The following AGAP1 variants were observed in gnomAD, a reference collection of about 807,000 sequenced individuals.
The protein encoded by AGAP1 is arf-GAP with GTPase, ANK repeat and PH domain-containing protein 1.
AGAP1 carries 29 observed loss-of-function variants against 105.3 expected under a neutral mutation model. The observed-to-expected ratio is 0.28, with a 90% confidence interval of 0.21 to 0.38. AGAP1 has a LOEUF of 0.38. AGAP1 is among the 10% of genes least tolerant of loss of function. The pLI is 1.00. For synonymous variants in AGAP1, 509 were observed against 485.9 expected, an observed-to-expected ratio of 1.05 and a Z score of -0.63; for missense variants, 998 against 1,165.1, an observed-to-expected ratio of 0.86 and a Z score of 2.09.
rs1414663019 is a variant in AGAP1, at chr2:235,792,524, A to G, written c.674-5235A>G. 6.6e-6 allele frequency among the ~76,000 whole-genome samples: 1 copy of G among 152,188 alleles called. No homozygotes were observed. The highest frequency in any genetic ancestry group is 1.5e-5 in the Non-Finnish European group (1 of 68,042). ...GGTCGCCCTGTGGTGTGTTAGGGGC[A>G]TTTAGGGGACAGTCAGGGAGACTCA... is the stretch of plus-strand genomic sequence containing the variant. On this transcript the variant is annotated intron_variant, in intron 6 of 17. Transcript: ENST00000304032. The surrounding 1 kb of genome is among the most constrained non-coding windows in gnomAD (Gnocchi z 5.3).
chr2:235,947,488 A>G (rs1372329177), intron 12 of AGAP1, among the ~76,000 whole-genome samples: 1 of 152,206 alleles, frequency 6.6e-6, no homozygotes, highest in East Asian at 1.9e-4. Flanking sequence ...ATTGATGGGC[A>G]TTTGGGCTGG....
At chr2:235,827,135 C>T (rs1440465044) in intron 9 of AGAP1, among the ~76,000 whole-genome samples, 1 of 152,212 alleles carries the variant, frequency 6.6e-6, no homozygotes, top group East Asian at 1.9e-4. Flanking sequence ...GATGAGAGGA[C>T]ACAGCTGCAA....
intron 16 of AGAP1, among the ~76,000 whole-genome samples, chr2:236,102,473 A>G (rs1346607117): frequency 6.7e-6 from 1 of 148,704 alleles, no homozygotes; most frequent in Admixed American, 6.7e-5. Flanking sequence ...CTGTAATCCC[A>G]GCTACTCAGG....
At chr2:236,068,526 C>T (rs536914162) in intron 16 of AGAP1, among the ~76,000 whole-genome samples, 9 of 151,828 alleles carry the variant, frequency 5.9e-5, no homozygotes, top group Middle Eastern at 3.2e-3. Context: ...CTAGGCCGGG[C>T]GCGGTGGCTC....
intron 1 of AGAP1, among the ~76,000 whole-genome samples, chr2:235,496,718 T>C (rs1941334287): frequency 6.6e-6 from 1 of 152,014 alleles, no homozygotes; most frequent in Non-Finnish European, 1.5e-5. Context: ...GCAGTTTGAC[T>C]TTCTAGCAAG....
Position 235,963,960 on chromosome 2 carries a change from C to T in AGAP1, c.1484-4502C>T, listed in dbSNP as rs56972002. On this transcript the variant is annotated intron_variant, in intron 12 of 17. Coordinates refer to ENST00000304032, the MANE Select transcript of AGAP1 (RefSeq NM_001037131.3). This position sits in a 1 kb window ranked among gnomAD's most constrained non-coding sequence, Gnocchi z 5.1. ...AGCGGTGTACACTCATAAAAACAAC[C>T]GCTGGATAACGGAAGAGAGTTTATG... 0.13 allele frequency among the ~76,000 whole-genome samples: 19,575 copies of T among 151,964 alleles called. 3,280 individuals are homozygous for T. Among genetic ancestry groups the T allele is most frequent in the African/African-American group, 0.39 (16,224 of 41,332 alleles).
chr2:235,972,111 A>G (rs1418261870), intron 13 of AGAP1, among the ~76,000 whole-genome samples: 1 of 152,152 alleles, frequency 6.6e-6, no homozygotes, highest in South Asian at 2.1e-4. Context: ...ATTCTATTAT[A>G]AAAAACCATT....
intron 1 of AGAP1, among the ~76,000 whole-genome samples, chr2:235,667,848 A>C (rs1483640629): frequency 6.6e-6 from 1 of 150,902 alleles, no homozygotes; most frequent in Non-Finnish European, 1.5e-5. Context: ...AATCCCAGCT[A>C]CTCAGGAGGC....
intron 1 of AGAP1, among the ~76,000 whole-genome samples, chr2:235,523,945 C>T (rs927502076): frequency 6.7e-6 from 1 of 149,474 alleles, no homozygotes; most frequent in South Asian, 2.1e-4. Flanking sequence ...TGACCCTGCA[C>T]GGATGAGGCC....
Position 235,747,080 on chromosome 2 carries a change from TC to T in AGAP1, c.538+2242del, listed in dbSNP as rs1303214476. On this transcript the variant is annotated intron_variant, in intron 5 of 17. Transcript: ENST00000304032. This position sits in a 1 kb window ranked among gnomAD's most constrained non-coding sequence, Gnocchi z 5.0. ...TGCATCCGTGGGTATGTGATAGGCA[TC>T]TTAACAATGGCTGCTTTTGTTCCTC... is the stretch of plus-strand genomic sequence containing the variant. 6.6e-6 allele frequency among the ~76,000 whole-genome samples: 1 copy of T among 152,120 alleles called. No homozygotes were observed. The highest frequency in any genetic ancestry group is 1.5e-5 in the Non-Finnish European group (1 of 68,030).
intron 6 of AGAP1, among the ~76,000 whole-genome samples, chr2:235,758,524 C>G (rs945019797): frequency 8.5e-5 from 13 of 152,286 alleles, no homozygotes; most frequent in African/African-American, 1.9e-4. Flanking sequence ...ACCCTCACCC[C>G]CTCCACACAT....
rs919911604 is a variant in AGAP1 at position 236,053,204 on chromosome 2, G to C, written c.2114+3923G>C. 3.3e-5 allele frequency among the ~76,000 whole-genome samples: 5 copies of C among 152,214 alleles called. No individual in the cohort carries two copies. Among genetic ancestry groups the C allele is most frequent in the African/African-American group, 1.2e-4 (5 of 41,464 alleles). On this transcript the variant is annotated intron_variant, in intron 16 of 17. Coordinates refer to ENST00000304032, the MANE Select transcript of AGAP1 (RefSeq NM_001037131.3). The surrounding 1 kb of genome is among the most constrained non-coding windows in gnomAD (Gnocchi z 4.6). Reference sequence around the variant, plus strand: ...CTTGGTGACCCTTTCAAAGGCAAGAGTAATAAGCTCAGAGGTGAAGATGTT... The same window carrying C: ...CTTGGTGACCCTTTCAAAGGCAAGACTAATAAGCTCAGAGGTGAAGATGTT...
In AGAP1 at chr2:235,747,160, A is replaced by T. The variant is rs1306649786; in HGVS notation, c.538+2321A>T. On this transcript the variant is annotated intron_variant, in intron 5 of 17. Coordinates refer to ENST00000304032, the MANE Select transcript of AGAP1 (RefSeq NM_001037131.3). This position sits in a 1 kb window ranked among gnomAD's most constrained non-coding sequence, Gnocchi z 5.0. ...GGTCCTGCCTGGAATCCTGAACCCCACCCCCCACTGTCCCTGCCCCTGGAG... is the reference window on the plus strand; with the variant it reads ...GGTCCTGCCTGGAATCCTGAACCCCTCCCCCCACTGTCCCTGCCCCTGGAG... Among the ~76,000 whole-genome samples, 7 of 149,708 alleles carry T rather than the reference A, an allele frequency of 4.7e-5. No individual in the cohort carries two copies. In the South Asian group the frequency reaches 1.5e-3, roughly 32 times the overall value.
In AGAP1 at chr2:235,919,940, A is replaced by G. The variant is rs1395840365; in HGVS notation, c.1325-10825A>G. On this transcript the variant is annotated intron_variant, in intron 11 of 17. Transcript: ENST00000304032. The surrounding 1 kb of genome is among the most constrained non-coding windows in gnomAD (Gnocchi z 4.1). ...AGCCGTACGATGGCGCTCTCCATAA[A>G]CACTGTCGGAATCTGGAGCAGCACG... is the stretch of plus-strand genomic sequence containing the variant. Among the ~76,000 whole-genome samples the G allele has an allele frequency of 1.3e-5, 2 of 152,202 alleles. No homozygotes were observed. The highest frequency in any genetic ancestry group is 2.9e-5 in the Non-Finnish European group (2 of 68,042).
chr2:235,946,961 G>T (rs1428396038), intron 12 of AGAP1, among the ~76,000 whole-genome samples: 1 of 152,038 alleles, frequency 6.6e-6, no homozygotes, highest in Non-Finnish European at 1.5e-5. Flanking sequence ...CCTTACTTCT[G>T]CGTGCCACCA....
chr2:235,873,722 G>C (rs2049559030), intron 9 of AGAP1, among the ~76,000 whole-genome samples: 1 of 152,196 alleles, frequency 6.6e-6, no homozygotes. Flanking sequence ...TGTCAGTCCA[G>C]AACCACATTT....
At chr2:236,091,518 C>T (rs2059059944) in intron 16 of AGAP1, among the ~76,000 whole-genome samples, 1 of 152,214 alleles carries the variant, frequency 6.6e-6, no homozygotes. Context: ...CTCCTGTAAT[C>T]CCAGCACTTT....
At position 235,874,914 on chromosome 2, in the gene AGAP1, A is replaced by G. The variant is rs1260772028; in HGVS notation, c.1051-8431A>G. Among the ~76,000 whole-genome samples the G allele has an allele frequency of 6.6e-6, 1 of 152,240 alleles. No homozygotes were observed. Among genetic ancestry groups the G allele is most frequent in the East Asian group, 1.9e-4 (1 of 5,196 alleles). On this transcript the variant is annotated intron_variant, in intron 9 of 17. Transcript: ENST00000304032. The surrounding 1 kb of genome is among the most constrained non-coding windows in gnomAD (Gnocchi z 4.5). ...TACCCTCTTATCAGAGAAATTGTCAATATCATGGCCCCACATTTCCATTAG... is the reference window on the plus strand; with the variant it reads ...TACCCTCTTATCAGAGAAATTGTCAGTATCATGGCCCCACATTTCCATTAG...
At chr2:235,834,126 A>G (rs1238236082) in intron 9 of AGAP1, among the ~76,000 whole-genome samples, 2 of 152,150 alleles carry the variant, frequency 1.3e-5, no homozygotes, top group Non-Finnish European at 2.9e-5. Context: ...CGGTTGGAAC[A>G]GCTGATGGTT....
Sources: gnomAD v4.1 joint callset for allele counts (sites outside exome capture counted in the v4.1 genomes callset) on GRCh38, gnomAD v4.1.1 for gene constraint, Gnocchi (gnomAD v3.1) non-coding constraint, MANE v1.5 for transcripts, NCBI Gene and HGNC (gene_info 2026-07-23, HGNC 2026-07-21) for gene names.